The following PPP1R13B variants were observed in gnomAD, a reference collection of about 807,000 sequenced individuals.
PPP1R13B encodes the protein apoptosis-stimulating of p53 protein 1.
A neutral mutation model predicts 119.8 loss-of-function variants in PPP1R13B; 44 were observed. That is an observed-to-expected ratio of 0.37 (90% confidence interval 0.29 to 0.47). PPP1R13B has a LOEUF of 0.47. Among genes scored for constraint, PPP1R13B ranks in the 20% least tolerant of loss-of-function variants. The pLI is 0.99. For synonymous variants in PPP1R13B, 542 were observed against 561.5 expected (o/e 0.97, Z 0.49); for missense variants, 1,227 against 1,413.5 (o/e 0.87, Z 2.12).
chr14:103,781,864 G>C (rs1453534595), intron 3 of PPP1R13B, among the ~76,000 whole-genome samples: 1 of 152,068 alleles, frequency 6.6e-6, no homozygotes, highest in African/African-American at 2.4e-5. Context: ...ATGTTAGCCA[G>C]GATGGTCTCG....
In PPP1R13B at chr14:103,734,822, G is replaced by A; in HGVS notation, c.*332C>T. 2.1e-6 allele frequency: 1 copy of A among 467,958 alleles called. No individual in the cohort carries two copies. Among genetic ancestry groups the A allele is most frequent in the East Asian group, 5.6e-5 (1 of 17,842 alleles). The allele number at this position is 467,958 out of a possible 1,614,324, so 29.0% of individuals were successfully genotyped here. A position where few individuals can be genotyped will look rare whatever the true frequency, so the allele number is the denominator to read the frequency against. On this transcript the variant is annotated 3_prime_UTR_variant, in exon 17 of 17. Coordinates refer to ENST00000202556, the MANE Select transcript of PPP1R13B (RefSeq NM_015316.3). ...GGGTGATGGCCTCGGGGCCAAGTCA[G>A]TAAGAGCTTCTGTCTTCACTGGCAA...
chr14:103,809,619 G>A (rs1441104496), intron 1 of PPP1R13B, among the ~76,000 whole-genome samples: 1 of 151,936 alleles, frequency 6.6e-6, no homozygotes, highest in Non-Finnish European at 1.5e-5. Context: ...TCAGGAGCTC[G>A]AGATCAGCCT....
intron 9 of PPP1R13B, among the ~76,000 whole-genome samples, chr14:103,744,815 C>T (rs550757834): frequency 5.1e-4 from 77 of 152,316 alleles, no homozygotes; most frequent in Non-Finnish European, 5.1e-4. Flanking sequence ...GCTGCTGCCC[C>T]GACTCTGAAG....
At chr14:103,802,285 G>C (rs539867059) in intron 1 of PPP1R13B, among the ~76,000 whole-genome samples, 1 of 151,970 alleles carries the variant, frequency 6.6e-6, no homozygotes, top group Admixed American at 6.6e-5. Context: ...GTCAGGCCTG[G>C]GCAAAAGAGT....
rs561749234 is a variant in PPP1R13B at position 103,742,845 on chromosome 14, A to G, written c.1151-22T>C. On this transcript the variant is annotated intron_variant, in intron 9 of 16. Transcript: ENST00000202556. The surrounding 1 kb of genome is among the most constrained non-coding windows in gnomAD (Gnocchi z 4.9). ...TTAGCTTGAAAAGAACACAGAACTT[A>G]CGTAAAACTTTTCTCAATGTAGTTG... 1 of 1,612,758 alleles carries G rather than the reference A, an allele frequency of 6.2e-7. No homozygotes were observed. Among genetic ancestry groups the G allele is most frequent in the Non-Finnish European group, 8.5e-7 (1 of 1,179,216 alleles).
intron 1 of PPP1R13B, among the ~76,000 whole-genome samples, chr14:103,837,135 C>T (rs1008206964): frequency 6.6e-6 from 1 of 152,170 alleles, no homozygotes; most frequent in Non-Finnish European, 1.5e-5. Context: ...AAAGTGAGTC[C>T]AGTCCCTGCC....
intron 3 of PPP1R13B, 93 bp downstream of exon 3, chr14:103,784,702 G>T: frequency 7.7e-7 from 1 of 1,290,604 alleles, no homozygotes; most frequent in Non-Finnish European, 1.0e-6. Context: ...TGCAGGGCCG[G>T]GTGTGTGTGA....
chr14:103,745,668 A>C (rs183437909), intron 9 of PPP1R13B, among the ~76,000 whole-genome samples: 24 of 152,338 alleles, frequency 1.6e-4, no homozygotes, highest in Admixed American at 1.2e-3. Context: ...ATGAGGACAG[A>C]GCGCTGTTTG....
chr14:103,848,466 C>A (rs533320837), upstream of PPP1R13B: 3 of 985,478 alleles, frequency 3.0e-6, no homozygotes, highest in South Asian at 4.7e-5. Context: ...GGTAGGCACC[C>A]GCTCGGGGCC....
At chr14:103,782,243 CTAAG>C (rs1212616872) in intron 3 of PPP1R13B, among the ~76,000 whole-genome samples, 3 of 152,164 alleles carry the variant, frequency 2.0e-5, no homozygotes, top group Admixed American at 1.3e-4. Context: ...CAAAAAAAGA[CTAAG>C]TGTGCACATT....
chr14:103,773,106 T>C (rs1160071271), intron 4 of PPP1R13B, among the ~76,000 whole-genome samples: 1 of 152,176 alleles, frequency 6.6e-6, no homozygotes, highest in Non-Finnish European at 1.5e-5. Context: ...TTCAAAATAA[T>C]AATAATAAAA....
chr14:103,761,335 C>A (rs1319717772), intron 4 of PPP1R13B, among the ~76,000 whole-genome samples: 1 of 140,564 alleles, frequency 7.1e-6, no homozygotes, highest in African/African-American at 2.7e-5. Flanking sequence ...GTAAAGACTA[C>A]AATTTTACCT....
chr14:103,737,717 A>C lies in PPP1R13B; in HGVS notation c.3008T>G (p.Ile1003Ser). Residue 1003 changes from isoleucine (I) to serine (S), a missense_variant, in exon 15 of 17, where the codon ATC becomes AGC. Coordinates refer to ENST00000202556, the MANE Select transcript of PPP1R13B (RefSeq NM_015316.3). Reference sequence around the variant, plus strand: ...ACCATATAGAAACTGGGAGCACTGGATGTAGCCTTCCTCCATCTCCTCACA... The same window carrying C: ...ACCATATAGAAACTGGGAGCACTGGCTGTAGCCTTCCTCCATCTCCTCACA... ...DKCEEMEEGYIQCSQFLYGVQ... is the reference protein window; with the variant it reads ...DKCEEMEEGYSQCSQFLYGVQ... 6.2e-7 allele frequency: 1 copy of C among 1,614,210 alleles called. No homozygotes were observed. Among genetic ancestry groups the C allele is most frequent in the Non-Finnish European group, 8.5e-7 (1 of 1,180,022 alleles).
intron 1 of PPP1R13B, among the ~76,000 whole-genome samples, chr14:103,811,284 T>C (rs574244771): frequency 6.1e-4 from 92 of 152,048 alleles, no homozygotes; most frequent in South Asian, 2.3e-3. Flanking sequence ...TTTAATGAAC[T>C]AGAACAGAAC....
intron 2 of PPP1R13B, among the ~76,000 whole-genome samples, chr14:103,787,872 G>C (rs534226508): frequency 2.0e-5 from 3 of 152,028 alleles, no homozygotes; most frequent in Non-Finnish European, 2.9e-5. Context: ...GGATGGTCTC[G>C]ATTTCCTGAC....
chr14:103,742,357 C>G lies in PPP1R13B; in HGVS notation c.1321-66G>C. The G allele has an allele frequency of 6.7e-7, 1 of 1,487,440 alleles. No individual in the cohort carries two copies. Among genetic ancestry groups the G allele is most frequent in the Non-Finnish European group, 8.9e-7 (1 of 1,121,096 alleles). 92.1% of individuals were successfully genotyped at this position (1,487,440 alleles called of 1,614,324 possible). ...GAACAGTTAAGAATATTTCCACCCA[C>G]ATTCCCAAGAGAATACACAGTAGAA... On this transcript the variant is annotated intron_variant, in intron 10 of 16. Coordinates refer to ENST00000202556, the MANE Select transcript of PPP1R13B (RefSeq NM_015316.3). The surrounding 1 kb of genome is among the most constrained non-coding windows in gnomAD (Gnocchi z 4.9).
intron 8 of PPP1R13B, among the ~76,000 whole-genome samples, chr14:103,748,108 CACACACGT>C (rs2084437805): frequency 6.6e-6 from 1 of 150,816 alleles, no homozygotes; most frequent in South Asian, 2.1e-4. Flanking sequence ...CACACACACA[CACACACGT>C]GCACGCGCAC....
At chr14:103,838,633 T>C (rs1237953215) in intron 1 of PPP1R13B, among the ~76,000 whole-genome samples, 1 of 151,580 alleles carries the variant, frequency 6.6e-6, no homozygotes, top group Non-Finnish European at 1.5e-5. Context: ...CACGGCAGGG[T>C]GAGCACCTCT....
intron 1 of PPP1R13B, among the ~76,000 whole-genome samples, chr14:103,813,794 A>AGG (rs1377183616): frequency 6.6e-6 from 1 of 152,182 alleles, no homozygotes; most frequent in Non-Finnish European, 1.5e-5. Context: ...ACCTTGTAAA[A>AGG]GGTATTTCTT....
Sources: allele counts gnomAD v4.1 joint callset (sites outside exome capture counted in the v4.1 genomes callset), GRCh38; gene constraint gnomAD v4.1.1; non-coding constraint Gnocchi (gnomAD v3.1); transcripts MANE v1.5; gene names NCBI Gene and HGNC (gene_info 2026-07-23, HGNC 2026-07-21).